ABCG2: variants seen among roughly 807,000 people sequenced by gnomAD.
ABCG2 encodes broad substrate specificity ATP-binding cassette transporter ABCG2.
In ABCG2, 80 loss-of-function variants were observed where a neutral mutation model predicts 73.5. The observed-to-expected ratio is 1.09, with a 90% confidence interval of 0.91 to 1.31. ABCG2 has a LOEUF of 1.31. Among genes scored for constraint, ABCG2 ranks in the 50% most tolerant of loss-of-function variants. The probability of loss-of-function intolerance (pLI) is 0.00; values close to 1 mark genes in which losing one functional copy is unlikely to be tolerated. For synonymous variants in ABCG2, 269 were observed against 282.4 expected, an observed-to-expected ratio of 0.95 and a Z score of 0.48; for missense variants, 796 against 786.2, an observed-to-expected ratio of 1.01 and a Z score of -0.15.
intron 1 of ABCG2, among the ~76,000 whole-genome samples, chr4:88,152,843 T>C (rs1443549810): frequency 6.6e-6 from 1 of 152,048 alleles, no homozygotes; most frequent in Non-Finnish European, 1.5e-5. Flanking sequence ...TTCTCAGGGC[T>C]GCTTCAAGTG....
intron 1 of ABCG2, among the ~76,000 whole-genome samples, chr4:88,216,545 G>A (rs778240433): frequency 1.3e-5 from 2 of 152,124 alleles, no homozygotes; most frequent in Non-Finnish European, 2.9e-5. Context: ...CCTCACCAAG[G>A]CTGCTGTAAC....
intron 15 of ABCG2, among the ~76,000 whole-genome samples, chr4:88,093,459 G>A (rs572884276): frequency 5.3e-4 from 77 of 145,690 alleles, no homozygotes; most frequent in East Asian, 4.1e-4. Context: ...AGCGGACATC[G>A]TGCCACTGCA....
intron 1 of ABCG2, among the ~76,000 whole-genome samples, chr4:88,182,161 A>G (rs1452086324): frequency 2.0e-5 from 3 of 152,252 alleles, no homozygotes; most frequent in Non-Finnish European, 4.4e-5. Context: ...TGAAAAGACC[A>G]TTATATAATG....
Position 88,101,287 on chromosome 4 carries a change from TG to T in ABCG2, c.1309del (p.Gln437SerfsTer14), listed in dbSNP as rs1211955504. ...AGVLFFLTTN[Q>X]CFSSVSAVEL... ...CACGGCTGAAACACTGCTGAAACAC[TG>T]GTTGGTCGTCAGGAAGAAGAGAACC... On this transcript the variant is annotated frameshift_variant, in exon 11 of 16. Transcript: ENST00000237612. LOFTEE classifies it high-confidence loss of function. 1.2e-6 allele frequency: 2 copies of T among 1,614,134 alleles called. No homozygotes were observed. Among genetic ancestry groups the T allele is most frequent in the African/African-American group, 2.7e-5 (2 of 75,030 alleles).
chr4:88,162,612 G>A (rs1302214805), upstream of ABCG2, among the ~76,000 whole-genome samples: 1 of 152,140 alleles, frequency 6.6e-6, no homozygotes, highest in South Asian at 2.1e-4. Flanking sequence ...GATAAGTTCA[G>A]ATTAAAGCCA....
intron 1 of ABCG2, among the ~76,000 whole-genome samples, chr4:88,148,082 A>G (rs554215034): frequency 1.3e-5 from 2 of 152,316 alleles, no homozygotes; most frequent in South Asian, 4.1e-4. Flanking sequence ...AAGTTCCTAG[A>G]GAAGACAGAC....
intron 1 of ABCG2, among the ~76,000 whole-genome samples, chr4:88,175,709 T>G (rs1367868359): frequency 6.6e-6 from 1 of 152,218 alleles, no homozygotes; most frequent in African/African-American, 2.4e-5. Context: ...TCAAATTGCC[T>G]TCAAGTTAGT....
At chr4:88,146,073 G>A (rs1725977566) in intron 1 of ABCG2, among the ~76,000 whole-genome samples, 1 of 152,226 alleles carries the variant, frequency 6.6e-6, no homozygotes, top group South Asian at 2.1e-4. Flanking sequence ...CAATGACAGT[G>A]GGGACATCAA....
chr4:88,160,666 A>T (rs1478493188), upstream of ABCG2, among the ~76,000 whole-genome samples: 1 of 151,936 alleles, frequency 6.6e-6, no homozygotes. Context: ...CCTGGCCAAC[A>T]TGGTGAAACC....
intron 1 of ABCG2, among the ~76,000 whole-genome samples, chr4:88,179,251 C>G (rs548048257): frequency 7.9e-5 from 12 of 152,314 alleles, no homozygotes; most frequent in African/African-American, 2.9e-4. Flanking sequence ...GAACAAGAGT[C>G]TCTGCCTGGT....
In ABCG2 at chr4:88,107,190, T is replaced by G. The variant is rs1349333743; in HGVS notation, c.1271A>C (p.Gln424Pro). Reference sequence around the variant, plus strand: ...AAGATCCAAATTTACTTACCTGTTCTGGATTCCAGTAGAATCATTTTTTAG... The same window carrying G: ...AAGATCCAAATTTACTTACCTGTTCGGGATTCCAGTAGAATCATTTTTTAG... ...FGLKNDSTGI[Q>P]NRAGVLFFLT... Residue 424 changes from glutamine (Q) to proline (P), a missense_variant, in exon 10 of 16, where the codon CAG becomes CCG. Coordinates refer to ENST00000237612, the MANE Select transcript of ABCG2 (RefSeq NM_004827.3). 6.2e-7 allele frequency: 1 copy of G among 1,610,854 alleles called. No homozygotes were observed. The highest frequency in any genetic ancestry group is 8.5e-7 in the Non-Finnish European group (1 of 1,177,580).
rs543249891 is a variant in ABCG2, at chr4:88,139,829, C to T, written c.167G>A (p.Arg56Gln). 3.3e-5 allele frequency: 53 copies of T among 1,614,030 alleles called. 1 individual carries two copies. The highest frequency in any genetic ancestry group is 1.7e-4 in the Middle Eastern group (1 of 6,060). ...TAATATTTCTTTCTCAACTGGTTTTCGACAAGGTAGAAAGCCACTCTTCAG... is the reference window on the plus strand; with the variant it reads ...TAATATTTCTTTCTCAACTGGTTTTTGACAAGGTAGAAAGCCACTCTTCAG... ...VKLKSGFLPC[R>Q]KPVEKEILSN... The change falls in exon 2 of 16, where the codon CGA becomes CAA. Residue 56 changes from arginine to glutamine, a missense_variant. Physicochemically the swap from Arg to Gln is conservative, Grantham distance 43. Transcript: ENST00000237612.
intron 1 of ABCG2, among the ~76,000 whole-genome samples, chr4:88,149,864 T>C (rs1308552107): frequency 6.6e-6 from 1 of 151,974 alleles, no homozygotes; most frequent in African/African-American, 2.4e-5. Context: ...AAAATAATAA[T>C]AATAATTCGA....
chr4:88,113,687 G>A, intron 8 of ABCG2, 134 bp from the exon 9 acceptor site: 1 of 1,186,194 alleles, frequency 8.4e-7, no homozygotes, highest in Non-Finnish European at 1.2e-6. Flanking sequence ...AATAGGCCAG[G>A]CACGGCGGCT....
At chr4:88,175,279 A>T (rs1727911309) in intron 1 of ABCG2, among the ~76,000 whole-genome samples, 1 of 152,216 alleles carries the variant, frequency 6.6e-6, no homozygotes, top group South Asian at 2.1e-4. Flanking sequence ...CAATCATTTG[A>T]CAAGAGTACA....
intron 14 of ABCG2, among the ~76,000 whole-genome samples, chr4:88,094,898 T>C (rs1326580017): frequency 6.6e-6 from 1 of 152,236 alleles, no homozygotes; most frequent in East Asian, 1.9e-4. Context: ...GCGGGAGACC[T>C]CTGGCTATAC....
At position 88,139,961 on chromosome 4, in the gene ABCG2, A is replaced by G. The variant is rs779729082; in HGVS notation, c.35T>C (p.Val12Ala). 1.9e-6 allele frequency: 3 copies of G among 1,614,168 alleles called. No individual in the cohort carries two copies. The East Asian group carries it at 6.7e-5, about 36-fold the overall frequency. Reference protein sequence around the residue: ...SSSNVEVFIPVSQGNTNGFPA... With the variant: ...SSSNVEVFIPASQGNTNGFPA... ...GAAGCCATTGGTGTTTCCTTGTGACACTGGGATAAAAACTTCGACATTACT... is the reference window on the plus strand; with the variant it reads ...GAAGCCATTGGTGTTTCCTTGTGACGCTGGGATAAAAACTTCGACATTACT... Residue 12 changes from valine to alanine, a missense_variant, in exon 2 of 16, where the codon GTG becomes GCG. Val to Ala is a moderately conservative substitution (Grantham distance 64). Transcript: ENST00000237612.
At chr4:88,093,784 A>G (rs1721807291) in intron 15 of ABCG2, among the ~76,000 whole-genome samples, 1 of 152,214 alleles carries the variant, frequency 6.6e-6, no homozygotes, top group Non-Finnish European at 1.5e-5. Context: ...TGAGGATAAT[A>G]TCAACATTCT....
chr4:88,097,641 C>T (rs1722078861), intron 12 of ABCG2, 34 bp from the exon 13 acceptor site: 1 of 1,605,310 alleles, frequency 6.2e-7, no homozygotes, highest in Admixed American at 1.7e-5. Flanking sequence ...GTTAACCCAA[C>T]TGCCTAGGTC....
Sources: allele counts gnomAD v4.1 joint callset (sites outside exome capture counted in the v4.1 genomes callset), GRCh38; gene constraint gnomAD v4.1.1; transcripts MANE v1.5; gene names NCBI Gene and HGNC (gene_info 2026-07-23, HGNC 2026-07-21).